Variants in DDX59 observed in about 807,000 individuals in gnomAD.
DDX59 encodes the protein DEAD-box helicase 59.
Under a neutral mutation model 51.9 loss-of-function variants are expected in DDX59, and 30 were observed. The observed-to-expected ratio is 0.58, with a 90% confidence interval of 0.43 to 0.78. The LOEUF is 0.78. Among genes scored for constraint, DDX59 ranks in the 30% least tolerant of loss-of-function variants. The probability of loss-of-function intolerance (pLI) is 0.00; values close to 1 mark genes in which losing one functional copy is unlikely to be tolerated. For missense variants in DDX59, 672 were observed against 730.8 expected (o/e 0.92, Z 0.93); for synonymous variants, 255 against 253.3 (o/e 1.01, Z -0.06).
chr1:200,650,821 T>C (rs1661613471), intron 4 of DDX59, 145 bp from the exon 5 acceptor site: 2 of 682,978 alleles, frequency 2.9e-6, no homozygotes, highest in African/African-American at 3.6e-5. Context: ...ACTGGAAAAA[T>C]ATGTTTATAC....
chr1:200,669,123 A>G (rs1368105493), intron 1 of DDX59, among the ~76,000 whole-genome samples: 4 of 152,188 alleles, frequency 2.6e-5, no homozygotes, highest in Admixed American at 6.5e-5. Context: ...GATTCTTTTC[A>G]TCAACCCATA....
chr1:200,650,770 A>T lies in DDX59; in HGVS notation c.1063-94T>A, dbSNP rs778901919. ...TGATATAATTAACAATATAAAAATT[A>T]AAAATTCCTAAATAGAAAACTATAC... On this transcript the variant is annotated intron_variant, in intron 4 of 7. Transcript: ENST00000331314. 1.6e-5 allele frequency: 18 copies of T among 1,152,350 alleles called. No homozygotes were observed. In the South Asian group the frequency reaches 3.7e-4, roughly 24 times the overall value. The allele number at this position is 1,152,350 out of a possible 1,614,324, so 71.4% of individuals were successfully genotyped here.
chr1:200,667,275 C>A (rs12563498), intron 1 of DDX59, among the ~76,000 whole-genome samples: 1 of 152,156 alleles, frequency 6.6e-6, no homozygotes, highest in African/African-American at 2.4e-5. Context: ...GTGGCGCACA[C>A]CTGTATTCCC....
At chr1:200,648,651 T>C (rs1661454009) in intron 6 of DDX59, 84 bp from the exon 7 acceptor site, 1 of 1,423,452 alleles carries the variant, frequency 7.0e-7, no homozygotes, top group East Asian at 2.3e-5. Context: ...CTTTTTATAA[T>C]GCTTACTTCA....
intron 4 of DDX59, among the ~76,000 whole-genome samples, chr1:200,654,017 A>G (rs1050063632): frequency 2.0e-5 from 3 of 152,270 alleles, no homozygotes; most frequent in Middle Eastern, 3.4e-3. Flanking sequence ...CCCTAATGAT[A>G]TATTTTGTAA....
At chr1:200,661,609 A>G (rs1422414335) in intron 3 of DDX59, among the ~76,000 whole-genome samples, 1 of 152,238 alleles carries the variant, frequency 6.6e-6, no homozygotes, top group Non-Finnish European at 1.5e-5. Flanking sequence ...ATTATGAGGA[A>G]AAAAGGAAAG....
At chr1:200,659,742 C>T (rs773341056) in intron 3 of DDX59, among the ~76,000 whole-genome samples, 3 of 152,168 alleles carry the variant, frequency 2.0e-5, no homozygotes, top group Non-Finnish European at 4.4e-5. Context: ...CTCTGTCACC[C>T]AGCAGGGAGT....
chr1:200,649,501 C>T (rs906744786), intron 5 of DDX59, among the ~76,000 whole-genome samples: 5 of 151,456 alleles, frequency 3.3e-5, no homozygotes, highest in Non-Finnish European at 7.4e-5. Context: ...TGGTGGCAGG[C>T]GCCTGTAACC....
chr1:200,646,416 C>T (rs1444691485), intron 7 of DDX59, among the ~76,000 whole-genome samples: 1 of 151,794 alleles, frequency 6.6e-6, no homozygotes, highest in African/African-American at 2.4e-5. Context: ...ACTTTCACAA[C>T]TCAAAAATAA....
chr1:200,649,022 T>C (rs1661474328), intron 6 of DDX59, 52 bp downstream of exon 6: 1 of 1,464,532 alleles, frequency 6.8e-7, no homozygotes, highest in Admixed American at 2.6e-5. Context: ...CTCTTGAAAA[T>C]GAGGCAGAAC....
At chr1:200,659,845 C>G (rs1257040509) in intron 3 of DDX59, among the ~76,000 whole-genome samples, 1 of 152,114 alleles carries the variant, frequency 6.6e-6, no homozygotes, top group African/African-American at 2.4e-5. Context: ...GCCACCACAC[C>G]TGGCTAATTT....
rs1391008964 is a variant in DDX59 at position 200,649,157 on chromosome 1, C to T, written c.1384G>A (p.Glu462Lys). Residue 462 changes from glutamate to lysine, a missense_variant, in exon 6 of 8, where the codon GAA becomes AAA. Physicochemically the swap from Glu to Lys is moderately conservative, Grantham distance 56 (BLOSUM62 1). Coordinates refer to ENST00000331314, the MANE Select transcript of DDX59 (RefSeq NM_001031725.6). ...AGCCCTGTGATTTTCTGAACGGCTT[C>T]ACTCAAAAGATCTGCTCCTAGTTTG... ...DCKLGADLLS[E>K]AVQKITGLKS... The T allele has an allele frequency of 6.3e-7, 1 of 1,598,256 alleles. No homozygotes were observed. Among genetic ancestry groups the T allele is most frequent in the Non-Finnish European group, 8.5e-7 (1 of 1,174,812 alleles).
chr1:200,653,908 G>A (rs2808231), intron 4 of DDX59, among the ~76,000 whole-genome samples: 149,784 of 152,324 alleles, frequency 0.98, 73,685 homozygotes, highest in Middle Eastern at 1. Context: ...TGCCACTGCC[G>A]TATCGCCTTG....
At chr1:200,655,833 AT>A (rs879811363) in intron 4 of DDX59, among the ~76,000 whole-genome samples, 4,016 of 144,948 alleles carry the variant, frequency 0.028, 66 homozygotes, top group Middle Eastern at 0.05. Flanking sequence ...ATACAGTCCA[AT>A]TTTTTTTTTT....
At chr1:200,649,623 C>T (rs375871293) in intron 5 of DDX59, among the ~76,000 whole-genome samples, 9 of 44,258 alleles carry the variant, frequency 2.0e-4, no homozygotes, top group Middle Eastern at 9.8e-3. Context: ...AGTGAGATTC[C>T]GTCACAAAAA....
At chr1:200,651,177 T>C (rs1434415452) in intron 4 of DDX59, among the ~76,000 whole-genome samples, 1 of 152,146 alleles carries the variant, frequency 6.6e-6, no homozygotes, top group Non-Finnish European at 1.5e-5. Flanking sequence ...GAGGCAATTC[T>C]ACTTTTAGTT....
intron 5 of DDX59, among the ~76,000 whole-genome samples, chr1:200,649,596 T>G (rs1483948339): frequency 8.4e-6 from 1 of 118,516 alleles, no homozygotes; most frequent in Non-Finnish European, 1.6e-5. Flanking sequence ...GCCATAGCAC[T>G]CCAGCCTGGG....
intron 6 of DDX59, 129 bp downstream of exon 6, chr1:200,648,945 G>T: frequency 1.1e-6 from 1 of 950,700 alleles, no homozygotes; most frequent in Non-Finnish European, 1.5e-6. Context: ...CATGGTAACC[G>T]CTTGTTTGAT....
rs959688389 is a variant in DDX59 at position 200,669,884 on chromosome 1, G to C, written c.-129C>G. On this transcript the variant is annotated 5_prime_UTR_variant, in exon 1 of 8. Transcript: ENST00000331314. ...GACCCGCTCGTCAGGACTGCGGCCC[G>C]GGGTTGGTGGTGCGGAGCGGAGCGG... The C allele has an allele frequency of 6.8e-5, 9 of 132,872 alleles. No homozygotes were observed. Among genetic ancestry groups the C allele is most frequent in the African/African-American group, 2.5e-4 (9 of 36,674 alleles). 8.2% of individuals were successfully genotyped at this position (132,872 alleles called of 1,614,324 possible). A position where few individuals can be genotyped will look rare whatever the true frequency, so the allele number is the denominator to read the frequency against.
Sources: allele counts gnomAD v4.1 joint callset (sites outside exome capture counted in the v4.1 genomes callset), GRCh38; gene constraint gnomAD v4.1.1; transcripts MANE v1.5; gene names NCBI Gene and HGNC (gene_info 2026-07-23, HGNC 2026-07-21).